LPP: variants seen among roughly 807,000 people sequenced by gnomAD.
LPP encodes the protein LIM domain containing preferred translocation partner in lipoma, also known as lipoma-preferred partner.
LPP carries 38 observed loss-of-function variants against 60.4 expected under a neutral mutation model. The observed-to-expected ratio is 0.63, with a 90% confidence interval of 0.49 to 0.83. LPP has a LOEUF of 0.83. LPP is among the 40% of genes least tolerant of loss of function. The pLI, the probability that LPP is intolerant of heterozygous loss-of-function variation, is 0.00. For missense variants in LPP, 902 were observed against 783.6 expected (o/e 1.15, Z -1.80); for synonymous variants, 328 against 290.8 (o/e 1.13, Z -1.30).
At chr3:188,458,382 T>C (rs955004592) in intron 4 of LPP, among the ~76,000 whole-genome samples, 2 of 152,202 alleles carry the variant, frequency 1.3e-5, no homozygotes, top group African/African-American at 4.8e-5. Flanking sequence ...GCATTTTAAC[T>C]AATAAAGGAA....
chr3:188,640,663 G>T (rs544082252), intron 7 of LPP, among the ~76,000 whole-genome samples: 1 of 151,368 alleles, frequency 6.6e-6, no homozygotes, highest in South Asian at 2.1e-4. Context: ...TGATTTATAT[G>T]GGCTACTCTT....
rs560806154 is a variant in LPP, at chr3:188,662,813, C to T, written c.1114-45454C>T. 1.1e-4 allele frequency among the ~76,000 whole-genome samples: 17 copies of T among 152,352 alleles called. No individual in the cohort carries two copies. The East Asian group carries it at 3.1e-3, about 28-fold the overall frequency. ...GTGAATTTCTCAAAGCCATGTGACT[C>T]TCCAGAAATCTTTAAATATGTAAAT... is the stretch of plus-strand genomic sequence containing the variant. On this transcript the variant is annotated intron_variant, in intron 7 of 11. Coordinates refer to ENST00000617246, the MANE Select transcript of LPP (RefSeq NM_001375462.1).
At position 188,613,286 on chromosome 3, in the gene LPP, CTA is replaced by C. The variant is rs1560643683; in HGVS notation, c.1113+3446_1113+3447del. Among the ~76,000 whole-genome samples, 222 of 142,276 alleles carry C rather than the reference CTA, an allele frequency of 1.6e-3. 2 individuals are homozygous for C. The highest frequency in any genetic ancestry group is 5.1e-3 in the African/African-American group (196 of 38,466). The allele number at this position is 142,276 out of a possible 152,430, so 93.3% of individuals were successfully genotyped here. A position where few individuals can be genotyped will look rare whatever the true frequency, so the allele number is the denominator to read the frequency against. ...CCTATATCTATATCTATATCTATAT[CTA>C]TATCTATATCTATATCTATATCTAT... On this transcript the variant is annotated intron_variant, in intron 7 of 11. Coordinates refer to ENST00000617246, the MANE Select transcript of LPP (RefSeq NM_001375462.1).
At chr3:188,643,237 T>A (rs780779084) in intron 7 of LPP, among the ~76,000 whole-genome samples, 1 of 152,174 alleles carries the variant, frequency 6.6e-6, no homozygotes, top group Non-Finnish European at 1.5e-5. Context: ...CACAGTTAGG[T>A]TGCTGCAAAT....
At chr3:188,624,741 C>CTTTCCCT (rs1175068069) in intron 7 of LPP, among the ~76,000 whole-genome samples, 1 of 117,648 alleles carries the variant, frequency 8.5e-6, no homozygotes, top group Non-Finnish European at 1.8e-5. Flanking sequence ...TTCCCTTTCC[C>CTTTCCCT]TTCCCTTCCC....
In LPP at chr3:188,449,034, G is replaced by T. The variant is rs1386014812; in HGVS notation, c.194-35558G>T. On this transcript the variant is annotated intron_variant, in intron 4 of 11. Transcript: ENST00000617246. ...GCAAAAAATAGAAAGTGACACACTAGTCAAGGTTGGTTTATTGTGTGGTAG... is the reference window on the plus strand; with the variant it reads ...GCAAAAAATAGAAAGTGACACACTATTCAAGGTTGGTTTATTGTGTGGTAG... 2.0e-5 allele frequency among the ~76,000 whole-genome samples: 3 copies of T among 152,214 alleles called. No homozygotes were observed. In the South Asian group the frequency reaches 6.2e-4, roughly 32 times the overall value.
chr3:188,352,357 T>C lies in LPP; in HGVS notation c.-10+10638T>C, dbSNP rs568654403. 6.6e-6 allele frequency among the ~76,000 whole-genome samples: 1 copy of C among 152,306 alleles called. No homozygotes were observed. Among genetic ancestry groups the C allele is most frequent in the Admixed American group, 6.5e-5 (1 of 15,294 alleles). ...ACCTTTGGCAGCTTGTGAGCGGTGT[T>C]GCCATGACACTCCTTGGGCTCTGTT... On this transcript the variant is annotated intron_variant, in intron 3 of 11. Coordinates refer to ENST00000617246, the MANE Select transcript of LPP (RefSeq NM_001375462.1). The surrounding 1 kb of genome is among the most constrained non-coding windows in gnomAD (Gnocchi z 4.4).
chr3:188,728,133 A>G (rs1279128454), intron 8 of LPP, among the ~76,000 whole-genome samples: 1 of 152,166 alleles, frequency 6.6e-6, no homozygotes, highest in Non-Finnish European at 1.5e-5. Flanking sequence ...ATTTACAATG[A>G]AACTCTGATC....
intron 5 of LPP, among the ~76,000 whole-genome samples, chr3:188,507,962 T>A (rs183013863): frequency 6.6e-5 from 10 of 152,332 alleles, no homozygotes; most frequent in South Asian, 2.1e-4. Context: ...TCTAAGGCTA[T>A]ATCATTAGGA....
chr3:188,225,103 A>G (rs1208651190), intron 1 of LPP, among the ~76,000 whole-genome samples: 1 of 152,080 alleles, frequency 6.6e-6, no homozygotes, highest in Non-Finnish European at 1.5e-5. Context: ...TTTATCTGTT[A>G]ATTTTTTTCT....
chr3:188,823,523 T>TA (rs1206455655), intron 9 of LPP, among the ~76,000 whole-genome samples: 1 of 152,088 alleles, frequency 6.6e-6, no homozygotes, highest in Non-Finnish European at 1.5e-5. Flanking sequence ...TAAATGATAA[T>TA]AAAAAAAGAA....
chr3:188,664,575 T>C (rs1855342409), intron 7 of LPP, among the ~76,000 whole-genome samples: 1 of 152,018 alleles, frequency 6.6e-6, no homozygotes, highest in African/African-American at 2.4e-5. Context: ...TCTTTAGCTA[T>C]TGGTGGGGAA....
chr3:188,420,730 T>C (rs909886070), intron 4 of LPP, among the ~76,000 whole-genome samples: 8 of 152,184 alleles, frequency 5.3e-5, no homozygotes, highest in Non-Finnish European at 1.2e-4. Context: ...GCCAGTTATA[T>C]TGTTGCTGCT....
At chr3:188,424,577 T>C (rs969497784) in intron 4 of LPP, among the ~76,000 whole-genome samples, 12 of 151,830 alleles carry the variant, frequency 7.9e-5, no homozygotes, top group Admixed American at 2.0e-4. Flanking sequence ...TTGATTCTTA[T>C]CCATGAGCAT....
chr3:188,357,053 C>CGTGG (rs1767816991), intron 3 of LPP, among the ~76,000 whole-genome samples: 1 of 152,208 alleles, frequency 6.6e-6, no homozygotes, highest in Admixed American at 6.5e-5. Flanking sequence ...ACCACCACCA[C>CGTGG]CATGGTTCTC....
intron 1 of LPP, among the ~76,000 whole-genome samples, chr3:188,156,787 A>G (rs867182641): frequency 1.3e-5 from 2 of 151,574 alleles, no homozygotes; most frequent in East Asian, 1.9e-4. Context: ...CAGTGAGCCG[A>G]GATTGCACCA....
chr3:188,574,736 A>AG (rs753283456), intron 6 of LPP, among the ~76,000 whole-genome samples: 6 of 152,026 alleles, frequency 3.9e-5, no homozygotes, highest in South Asian at 2.1e-4. Context: ...GTGGGGGCTA[A>AG]GGGGGGTGTG....
At chr3:188,487,779 C>T (rs940646502) in intron 5 of LPP, among the ~76,000 whole-genome samples, 3 of 152,136 alleles carry the variant, frequency 2.0e-5, no homozygotes, top group Non-Finnish European at 4.4e-5. Flanking sequence ...TTCCTCTCGG[C>T]TATGGTTAAA....
At chr3:188,161,770 G>A (rs751200959) in intron 1 of LPP, among the ~76,000 whole-genome samples, 2 of 152,178 alleles carry the variant, frequency 1.3e-5, no homozygotes, top group Non-Finnish European at 1.5e-5. Flanking sequence ...AGAATTTTAG[G>A]AGAGGATGTA....
Sources: allele counts gnomAD v4.1 joint callset (sites outside exome capture counted in the v4.1 genomes callset), GRCh38; gene constraint gnomAD v4.1.1; non-coding constraint Gnocchi (gnomAD v3.1); transcripts MANE v1.5; gene names NCBI Gene and HGNC (gene_info 2026-07-23, HGNC 2026-07-21).